The following LDLRAD4 variants were observed in gnomAD, a reference collection of about 807,000 sequenced individuals.
LDLRAD4 encodes low density lipoprotein receptor class A domain containing 4.
In LDLRAD4, 5 loss-of-function variants were observed where a neutral mutation model predicts 17.0. The observed-to-expected ratio is 0.29, with a 90% CI of 0.15 to 0.62. LDLRAD4 has a LOEUF of 0.62. Among genes scored for constraint, LDLRAD4 ranks in the 20% least tolerant of loss-of-function variants. LDLRAD4 has a pLI of 0.84. For synonymous variants in LDLRAD4, 168 were observed against 171.8 expected (o/e 0.98, Z 0.17); for missense variants, 340 against 424.7 (o/e 0.80, Z 1.75).
intron 1 of LDLRAD4, among the ~76,000 whole-genome samples, chr18:13,233,022 T>C (rs1271906552): frequency 3.9e-5 from 6 of 152,174 alleles, no homozygotes; most frequent in African/African-American, 1.4e-4. Context: ...CTTTCTGATC[T>C]CCCCTGGTCA....
At chr18:13,407,900 C>T (rs1156629794) in intron 2 of LDLRAD4, among the ~76,000 whole-genome samples, 1 of 152,184 alleles carries the variant, frequency 6.6e-6, no homozygotes, top group East Asian at 1.9e-4. Flanking sequence ...GTTTAAGAAA[C>T]CATAATTAGT....
upstream of LDLRAD4, among the ~76,000 whole-genome samples, chr18:13,276,225 G>A (rs771777467): frequency 6.9e-4 from 105 of 151,704 alleles, no homozygotes; most frequent in Non-Finnish European, 1.4e-3. Context: ...GGCCAGGCTG[G>A]TCTTGAATTC....
intron 1 of LDLRAD4, among the ~76,000 whole-genome samples, chr18:13,225,361 G>A (rs952909266): frequency 6.6e-6 from 1 of 152,186 alleles, no homozygotes; most frequent in African/African-American, 2.4e-5. Context: ...CAGCTCTTGA[G>A]CCACCCCCAG....
intron 4 of LDLRAD4, among the ~76,000 whole-genome samples, chr18:13,638,683 G>A (rs1487864531): frequency 2.6e-5 from 4 of 152,214 alleles, no homozygotes; most frequent in African/African-American, 9.6e-5. Context: ...TGATTTGAGA[G>A]TAACGTAACT....
chr18:13,235,774 C>T (rs2042304515), intron 1 of LDLRAD4, among the ~76,000 whole-genome samples: 1 of 152,230 alleles, frequency 6.6e-6, no homozygotes, highest in Non-Finnish European at 1.5e-5. Flanking sequence ...GGGAAGTGCA[C>T]ATCCAGCCCT....
At chr18:13,572,129 G>A (rs541687087) in intron 3 of LDLRAD4, among the ~76,000 whole-genome samples, 32 of 152,302 alleles carry the variant, frequency 2.1e-4, no homozygotes, top group African/African-American at 7.7e-4. Context: ...AGGAAACAGC[G>A]TTACCCGAGG....
At chr18:13,393,040 C>T (rs1376457945) in intron 2 of LDLRAD4, among the ~76,000 whole-genome samples, 1 of 152,142 alleles carries the variant, frequency 6.6e-6, no homozygotes, top group Non-Finnish European at 1.5e-5. Context: ...AGGATGTAGG[C>T]TTGCTGGGGG....
rs1301942148 is a variant in LDLRAD4, at chr18:13,367,541, G to A, written c.-382-19800G>A. Among the ~76,000 whole-genome samples the A allele has an allele frequency of 6.6e-6, 1 of 152,240 alleles. No homozygotes were observed. Among genetic ancestry groups the A allele is most frequent in the African/African-American group, 2.4e-5 (1 of 41,472 alleles). On this transcript the variant is annotated intron_variant, in intron 1 of 5. Coordinates refer to ENST00000359446, the Ensembl canonical transcript of LDLRAD4. This position sits in a 1 kb window ranked among gnomAD's most constrained non-coding sequence, Gnocchi z 4.1. ...GTCCAGGCGGAGAGCCAGGGCCCGG[G>A]TGCTGCAGCAAGGCGGCTGTGGCAG...
chr18:13,437,412 T>G (rs1274266875), intron 2 of LDLRAD4, among the ~76,000 whole-genome samples: 1 of 152,270 alleles, frequency 6.6e-6, no homozygotes, highest in Non-Finnish European at 1.5e-5. Flanking sequence ...CTCAAGTGTA[T>G]ATAATTGTGT....
At chr18:13,306,446 C>T (rs576149017) in intron 1 of LDLRAD4, among the ~76,000 whole-genome samples, 2 of 152,328 alleles carry the variant, frequency 1.3e-5, no homozygotes, top group East Asian at 3.9e-4. Flanking sequence ...CCTGGCCACC[C>T]AGAACCCCAT....
chr18:13,336,800 C>A (rs1200812584), intron 1 of LDLRAD4, among the ~76,000 whole-genome samples: 1 of 151,704 alleles, frequency 6.6e-6, no homozygotes, highest in Non-Finnish European at 1.5e-5. Flanking sequence ...GTCTTCCTCC[C>A]CCTCTCTCTC....
At chr18:13,595,527 GT>G (rs1257501861) in intron 3 of LDLRAD4, among the ~76,000 whole-genome samples, 2 of 151,996 alleles carry the variant, frequency 1.3e-5, no homozygotes, top group Admixed American at 1.3e-4. Context: ...GTTTTGTTTT[GT>G]TTTTGAGATG....
intron 3 of LDLRAD4, among the ~76,000 whole-genome samples, chr18:13,524,913 C>T (rs2094006819): frequency 1.3e-5 from 2 of 152,250 alleles, no homozygotes; most frequent in South Asian, 4.1e-4. Context: ...GTGTGTCACT[C>T]TCCATCTCGC....
intron 3 of LDLRAD4, among the ~76,000 whole-genome samples, chr18:13,536,398 T>G (rs1352989300): frequency 6.6e-6 from 1 of 152,200 alleles, no homozygotes; most frequent in Non-Finnish European, 1.5e-5. Flanking sequence ...ATGAAAGTAT[T>G]TTAAAATTTT....
At position 13,534,228 on chromosome 18, in the gene LDLRAD4, A is replaced by G. The variant is rs150544313; in HGVS notation, c.182-86889A>G. On this transcript the variant is annotated intron_variant, in intron 3 of 5. Transcript: ENST00000359446. ...TCTTTAATGTGGCCTGCATATGAAT[A>G]TATCAACACTTTTTAAATTAAAGGC... is the stretch of plus-strand genomic sequence containing the variant. Among the ~76,000 whole-genome samples the G allele has an allele frequency of 5.9e-5, 9 of 152,336 alleles. No homozygotes were observed. The East Asian group carries it at 1.7e-3, about 29-fold the overall frequency.
intron 1 of LDLRAD4, among the ~76,000 whole-genome samples, chr18:13,231,417 C>T (rs911520483): frequency 9.9e-5 from 15 of 152,132 alleles, no homozygotes; most frequent in Admixed American, 4.6e-4. Flanking sequence ...CTCCTGATTG[C>T]GGCCTGCCCG....
At chr18:13,250,932 A>G (rs1420364244) in intron 1 of LDLRAD4, among the ~76,000 whole-genome samples, 1 of 152,216 alleles carries the variant, frequency 6.6e-6, no homozygotes, top group Non-Finnish European at 1.5e-5. Context: ...AGCAAATAAA[A>G]CCACAGGTCA....
chr18:13,475,784 G>A (rs1366877699), intron 3 of LDLRAD4, among the ~76,000 whole-genome samples: 1 of 152,172 alleles, frequency 6.6e-6, no homozygotes, highest in African/African-American at 2.4e-5. Context: ...AAACTGTGTG[G>A]TGCAAATAAT....
intron 4 of LDLRAD4, among the ~76,000 whole-genome samples, chr18:13,639,539 G>A (rs2042346727): frequency 6.6e-6 from 1 of 152,202 alleles, no homozygotes; most frequent in African/African-American, 2.4e-5. Context: ...GCTGTGGAGC[G>A]AGCATCAGCT....
Sources: allele counts gnomAD v4.1 joint callset (sites outside exome capture counted in the v4.1 genomes callset), GRCh38; gene constraint gnomAD v4.1.1; non-coding constraint Gnocchi (gnomAD v3.1); transcripts MANE v1.5; gene names NCBI Gene and HGNC (gene_info 2026-07-23, HGNC 2026-07-21).